Variants in OPCML observed in about 807,000 individuals in gnomAD.
OPCML encodes opioid binding protein/cell adhesion molecule like.
A neutral mutation model predicts 37.8 loss-of-function variants in OPCML; 13 were observed. The observed-to-expected ratio is 0.34, with a 90% CI of 0.22 to 0.55. The LOEUF (loss-of-function observed/expected upper bound fraction) is 0.55, where lower values mean the gene tolerates loss of function less well. OPCML is among the 20% of genes least tolerant of loss of function. The probability of loss-of-function intolerance (pLI) is 0.91; values close to 1 mark genes in which losing one functional copy is unlikely to be tolerated. For synonymous variants in OPCML, 176 were observed against 168.8 expected (o/e 1.04, Z -0.33); for missense variants, 341 against 435.6 (o/e 0.78, Z 1.93).
At chr11:133,202,645 C>G (rs544745253) in intron 1 of OPCML, among the ~76,000 whole-genome samples, 1 of 152,322 alleles carries the variant, frequency 6.6e-6, no homozygotes, top group Admixed American at 6.5e-5. Flanking sequence ...ATGTTTCTTC[C>G]AGGGAAACTT....
Position 133,219,331 on chromosome 11 carries a change from G to T in OPCML, c.62-276321C>A, listed in dbSNP as rs555819815. 2.6e-5 allele frequency among the ~76,000 whole-genome samples: 4 copies of T among 152,320 alleles called. No individual in the cohort carries two copies. The East Asian group carries it at 7.7e-4, about 29-fold the overall frequency. ...TAGTCCAACAGAACGTTCTGCAATG[G>T]TGGAATGTTCTGTAACTGTCCTTTC... On this transcript the variant is annotated intron_variant, in intron 1 of 7. Coordinates refer to ENST00000524381, the MANE Select transcript of OPCML (RefSeq NM_001012393.5).
intron 1 of OPCML, among the ~76,000 whole-genome samples, chr11:133,343,915 C>CAA (rs1379181885): frequency 1.3e-5 from 2 of 152,194 alleles, no homozygotes; most frequent in African/African-American, 4.8e-5. Flanking sequence ...GCTATAAATG[C>CAA]AAAGGCTGAA....
chr11:133,485,918 TG>T (rs1305493805), intron 1 of OPCML, among the ~76,000 whole-genome samples: 1 of 152,162 alleles, frequency 6.6e-6, no homozygotes, highest in Non-Finnish European at 1.5e-5. Flanking sequence ...TTTTACTTTT[TG>T]TTGGTGATTT....
At chr11:133,276,329 C>T (rs532045638) in intron 1 of OPCML, among the ~76,000 whole-genome samples, 24 of 152,082 alleles carry the variant, frequency 1.6e-4, no homozygotes, top group Non-Finnish European at 2.4e-4. Context: ...AAGAGCTGGA[C>T]GAGCCAAGAG....
At position 133,273,561 on chromosome 11, in the gene OPCML, C is replaced by CA. The variant is rs368714415; in HGVS notation, c.61+258702_61+258703insT. 3.9e-3 allele frequency among the ~76,000 whole-genome samples: 586 copies of CA among 151,736 alleles called. 1 individual carries two copies. Among genetic ancestry groups the CA allele is most frequent in the African/African-American group, 0.013 (557 of 41,382 alleles). On this transcript the variant is annotated intron_variant, in intron 1 of 7. Coordinates refer to ENST00000524381, the MANE Select transcript of OPCML (RefSeq NM_001012393.5). ...AGAACCAAAGTTCAGGAGACAGAAG[C>CA]TTTTTTTTTCTTTTGGCAAAAACTA...
intron 1 of OPCML, among the ~76,000 whole-genome samples, chr11:133,502,669 C>CCAGA (rs1947942025): frequency 6.6e-6 from 1 of 152,236 alleles, no homozygotes; most frequent in East Asian, 1.9e-4. Flanking sequence ...AATGTTGTAG[C>CCAGA]CAGATCCTTT....
chr11:132,811,645 G>A (rs566995762), intron 2 of OPCML, among the ~76,000 whole-genome samples: 1 of 152,024 alleles, frequency 6.6e-6, no homozygotes, highest in Non-Finnish European at 1.5e-5. Flanking sequence ...ATCCTATGCC[G>A]CTAATTAGAG....
intron 3 of OPCML, among the ~76,000 whole-genome samples, chr11:132,599,425 G>C (rs992590772): frequency 1.5e-4 from 20 of 129,108 alleles, no homozygotes; most frequent in African/African-American, 5.9e-4. Context: ...GAAGGAGGAA[G>C]AAGGTGGAGG....
intron 2 of OPCML, among the ~76,000 whole-genome samples, chr11:132,811,839 A>T (rs1414934797): frequency 2.0e-5 from 3 of 152,232 alleles, no homozygotes; most frequent in African/African-American, 7.2e-5. Flanking sequence ...CATGGGTGTG[A>T]AGAGCCTAGC....
intron 2 of OPCML, among the ~76,000 whole-genome samples, chr11:132,863,887 A>G (rs1213775187): frequency 1.3e-5 from 2 of 152,130 alleles, no homozygotes; most frequent in African/African-American, 4.8e-5. Context: ...AAGCAGGAAA[A>G]TGGACAATTT....
chr11:132,880,708 G>A (rs1397523988), intron 2 of OPCML, among the ~76,000 whole-genome samples: 7 of 152,232 alleles, frequency 4.6e-5, no homozygotes, highest in Non-Finnish European at 1.0e-4. Context: ...AATTACTAGA[G>A]ATTACTACCA....
chr11:132,446,495 G>T (rs2136814582), intron 4 of OPCML, among the ~76,000 whole-genome samples: 1 of 152,192 alleles, frequency 6.6e-6, no homozygotes, highest in Non-Finnish European at 1.5e-5. Context: ...ATTCTAAAAA[G>T]TATAAAAAAT....
intron 1 of OPCML, among the ~76,000 whole-genome samples, chr11:133,227,446 GT>G (rs757832609): frequency 6.6e-6 from 1 of 152,104 alleles, no homozygotes; most frequent in African/African-American, 2.4e-5. Flanking sequence ...AAAGAGAGAG[GT>G]TTTTGCTGAG....
At chr11:132,583,581 T>G (rs547390443) in intron 3 of OPCML, among the ~76,000 whole-genome samples, 15 of 152,260 alleles carry the variant, frequency 9.9e-5, no homozygotes, top group Non-Finnish European at 2.9e-5. Context: ...ATTACAGTTG[T>G]GAGTCACTGA....
intron 2 of OPCML, among the ~76,000 whole-genome samples, chr11:132,747,185 A>G (rs1945661360): frequency 6.6e-6 from 1 of 152,236 alleles, no homozygotes; most frequent in Non-Finnish European, 1.5e-5. Flanking sequence ...GACTATTAGC[A>G]ACCAAAGAGA....
intron 1 of OPCML, among the ~76,000 whole-genome samples, chr11:133,383,918 T>A (rs1006072852): frequency 5.9e-5 from 9 of 152,078 alleles, no homozygotes; most frequent in African/African-American, 2.2e-4. Context: ...TGCAGGGAGA[T>A]AAGAGAAGGG....
At chr11:132,844,587 G>T (rs570641111) in intron 2 of OPCML, among the ~76,000 whole-genome samples, 1 of 152,314 alleles carries the variant, frequency 6.6e-6, no homozygotes, top group East Asian at 1.9e-4. Flanking sequence ...TAGTTCAGAT[G>T]AGACATGATG....
chr11:133,334,049 A>G (rs1338722113), intron 1 of OPCML, among the ~76,000 whole-genome samples: 1 of 152,206 alleles, frequency 6.6e-6, no homozygotes, highest in Non-Finnish European at 1.5e-5. Flanking sequence ...TAGTGGGAAT[A>G]TAAATTAGTT....
chr11:133,468,352 A>C (rs1947023478), intron 1 of OPCML, among the ~76,000 whole-genome samples: 1 of 152,202 alleles, frequency 6.6e-6, no homozygotes, highest in Non-Finnish European at 1.5e-5. Flanking sequence ...CAGCGGAGAC[A>C]GATGCTGTGA....
Sources: gnomAD v4.1 joint callset for allele counts (sites outside exome capture counted in the v4.1 genomes callset) on GRCh38, gnomAD v4.1.1 for gene constraint, MANE v1.5 for transcripts, NCBI Gene and HGNC (gene_info 2026-07-23, HGNC 2026-07-21) for gene names.